The following TRAF3IP1 variants were observed in gnomAD, a reference collection of about 807,000 sequenced individuals.
TRAF3IP1 encodes intraflagellar transport 54, also known as TRAF3-interacting protein 1.
In TRAF3IP1, 53 loss-of-function variants were observed where a neutral mutation model predicts 89.9. That is an observed-to-expected ratio of 0.59 (90% CI 0.47 to 0.74). The LOEUF (loss-of-function observed/expected upper bound fraction) is 0.74. TRAF3IP1 is among the 30% of genes least tolerant of loss of function. The probability of loss-of-function intolerance (pLI) is 0.00; values close to 1 mark genes in which losing one functional copy is unlikely to be tolerated. For missense variants in TRAF3IP1, 806 were observed against 866.1 expected (o/e 0.93, Z 0.87); for synonymous variants, 311 against 322.1 (o/e 0.97, Z 0.37).
At chr2:238,385,210 G>T (rs1700718326) in intron 15 of TRAF3IP1, among the ~76,000 whole-genome samples, 1 of 151,950 alleles carries the variant, frequency 6.6e-6, no homozygotes, top group South Asian at 2.1e-4. Context: ...AGAGACAGGG[G>T]TTTCACCGTG....
At chr2:238,384,862 C>G (rs944208697) in intron 15 of TRAF3IP1, among the ~76,000 whole-genome samples, 1 of 152,072 alleles carries the variant, frequency 6.6e-6, no homozygotes, top group Admixed American at 6.5e-5. Context: ...ATTCTAGGAT[C>G]GAAACTCTGT....
At chr2:238,327,108 G>A (rs966709950) in intron 3 of TRAF3IP1, among the ~76,000 whole-genome samples, 7 of 152,176 alleles carry the variant, frequency 4.6e-5, no homozygotes, top group Non-Finnish European at 1.0e-4. Context: ...TCCTTCTCTC[G>A]TTTCCCATAT....
chr2:238,324,371 G>T (rs1344167497), intron 1 of TRAF3IP1, among the ~76,000 whole-genome samples: 1 of 151,888 alleles, frequency 6.6e-6, no homozygotes, highest in Non-Finnish European at 1.5e-5. Context: ...CCCAGCCAAA[G>T]TTCCTTTTCT....
At chr2:238,367,184 A>AAAG (rs1180697397) in intron 15 of TRAF3IP1, among the ~76,000 whole-genome samples, 15 of 150,748 alleles carry the variant, frequency 1.0e-4, no homozygotes, top group Non-Finnish European at 2.1e-4. Flanking sequence ...AAAAAAAAAA[A>AAAG]AAAAAGAAAA....
intron 15 of TRAF3IP1, among the ~76,000 whole-genome samples, chr2:238,361,979 C>G (rs1243907640): frequency 6.6e-6 from 1 of 152,242 alleles, no homozygotes; most frequent in Non-Finnish European, 1.5e-5. Flanking sequence ...CGCTGGCTCT[C>G]CACCTTCATC....
intron 15 of TRAF3IP1, among the ~76,000 whole-genome samples, chr2:238,383,251 C>T (rs753376367): frequency 3.9e-5 from 6 of 152,148 alleles, no homozygotes; most frequent in Admixed American, 3.3e-4. Context: ...CTTGGTGTCT[C>T]GGCAACTTGA....
intron 15 of TRAF3IP1, among the ~76,000 whole-genome samples, chr2:238,382,901 G>A (rs1700606094): frequency 6.6e-6 from 1 of 151,586 alleles, no homozygotes; most frequent in Non-Finnish European, 1.5e-5. Flanking sequence ...CCCCAAGTTG[G>A]AAGCCACGTG....
At chr2:238,378,362 C>G (rs898592912) in intron 15 of TRAF3IP1, among the ~76,000 whole-genome samples, 1 of 152,216 alleles carries the variant, frequency 6.6e-6, no homozygotes, top group African/African-American at 2.4e-5. Flanking sequence ...CATCTGGCAC[C>G]TGCCATGTGC....
intron 14 of TRAF3IP1, 47 bp from the exon 15 acceptor site, chr2:238,355,957 G>A: frequency 7.0e-7 from 1 of 1,436,030 alleles, no homozygotes; most frequent in Non-Finnish European, 9.8e-7. Context: ...ATAGGTTTTT[G>A]GGATAGAGAA....
intron 12 of TRAF3IP1, 114 bp downstream of exon 12, chr2:238,349,522 T>A: frequency 9.3e-7 from 1 of 1,071,320 alleles, no homozygotes; most frequent in Admixed American, 2.2e-5. Context: ...AAACATGCTA[T>A]TGAGGAACAA....
chr2:238,360,172 T>C (rs556784086), intron 15 of TRAF3IP1, among the ~76,000 whole-genome samples: 1 of 152,348 alleles, frequency 6.6e-6, no homozygotes, highest in Non-Finnish European at 1.5e-5. Context: ...TGAAAACTTA[T>C]GAATGAATTG....
intron 10 of TRAF3IP1, among the ~76,000 whole-genome samples, chr2:238,347,704 C>T (rs764745611): frequency 9.2e-5 from 14 of 151,922 alleles, no homozygotes; most frequent in Non-Finnish European, 1.3e-4. Flanking sequence ...CTCGGTTCAC[C>T]GCAACCTCTG....
chr2:238,337,418 C>T (rs1215510059), intron 7 of TRAF3IP1, among the ~76,000 whole-genome samples: 1 of 152,128 alleles, frequency 6.6e-6, no homozygotes, highest in Non-Finnish European at 1.5e-5. Context: ...GCTGCTGGTC[C>T]CGGAGCTGCT....
Position 238,320,619 on chromosome 2 carries a change from G to A in TRAF3IP1, c.-44G>A. On this transcript the variant is annotated 5_prime_UTR_variant, in exon 1 of 17. Coordinates refer to ENST00000373327, the MANE Select transcript of TRAF3IP1 (RefSeq NM_015650.4). ...GGGACCCGGGCTTAGGCTCGGCCAG[G>A]CCGGCTGAGGGGCGCGGGCGGCCAG... 8.0e-7 allele frequency: 1 copy of A among 1,242,352 alleles called. No homozygotes were observed. The highest frequency in any genetic ancestry group is 1.6e-5 in the African/African-American group (1 of 63,424). The allele number at this position is 1,242,352 out of a possible 1,614,324, so 77.0% of individuals were successfully genotyped here. A position where few individuals can be genotyped will look rare whatever the true frequency, so the allele number is the denominator to read the frequency against.
chr2:238,389,263 T>G (rs1157329818), intron 15 of TRAF3IP1, among the ~76,000 whole-genome samples: 1 of 152,032 alleles, frequency 6.6e-6, no homozygotes, highest in East Asian at 1.9e-4. Context: ...TGTTTTAGAT[T>G]TGGGGGTACA....
At chr2:238,356,424 G>A (rs190442762) in intron 15 of TRAF3IP1, among the ~76,000 whole-genome samples, 9 of 152,264 alleles carry the variant, frequency 5.9e-5, no homozygotes, top group African/African-American at 2.2e-4. Context: ...TTGAACCTGG[G>A]AGGTGGAGGT....
intron 12 of TRAF3IP1, among the ~76,000 whole-genome samples, chr2:238,349,845 G>A (rs1034023240): frequency 3.9e-5 from 6 of 152,160 alleles, no homozygotes; most frequent in Non-Finnish European, 5.9e-5. Context: ...CGAGGCGGGC[G>A]GATGGCTTGA....
rs547667782 is a variant in TRAF3IP1 at position 238,378,963 on chromosome 2, A to AGGG, written c.1690-18495_1690-18493dup. 4.2e-3 allele frequency among the ~76,000 whole-genome samples: 634 copies of AGGG among 152,260 alleles called. 4 individuals carry two copies. The highest frequency in any genetic ancestry group is 0.014 in the African/African-American group (594 of 41,554). ...TGGGTCAGGAGTAGAAAGGCCCCAG[A>AGGG]GGGAGGGTCCAGTCCTTCTTTGGTG... On this transcript the variant is annotated intron_variant, in intron 15 of 16. Coordinates refer to ENST00000373327, the MANE Select transcript of TRAF3IP1 (RefSeq NM_015650.4).
chr2:238,359,260 A>T (rs1015571213), intron 15 of TRAF3IP1, among the ~76,000 whole-genome samples: 1 of 152,122 alleles, frequency 6.6e-6, no homozygotes, highest in African/African-American at 2.4e-5. Flanking sequence ...CTGTTTCCAA[A>T]CATCCATGCC....
Sources: allele counts gnomAD v4.1 joint callset (sites outside exome capture counted in the v4.1 genomes callset), GRCh38; gene constraint gnomAD v4.1.1; transcripts MANE v1.5; gene names NCBI Gene and HGNC (gene_info 2026-07-23, HGNC 2026-07-21).